Variants in ZNF385D observed in about 807,000 individuals in gnomAD.
ZNF385D encodes zinc finger protein 385D.
In ZNF385D, 15 loss-of-function variants were observed where a neutral mutation model predicts 35.8. That is an observed-to-expected ratio of 0.42 (90% CI 0.28 to 0.64). The LOEUF is 0.64. ZNF385D is among the 30% of genes least tolerant of loss of function. The pLI is 0.23. For synonymous variants in ZNF385D, 212 were observed against 186.8 expected (o/e 1.13, Z -1.10); for missense variants, 474 against 494.6 (o/e 0.96, Z 0.39).
At position 22,169,039 on chromosome 3, in the gene ZNF385D, A is replaced by G. The variant is rs375310777; in HGVS notation, c.107-4T>C. On this transcript the variant is annotated splice_region_variant and splice_polypyrimidine_tract_variant and intron_variant, in intron 2 of 5. Transcript: ENST00000494108. ...CCATCGTGTACACAGGTGAAATCTG[A>G]GGGTGCAAGGAAAATTATGAACAAG... 6 of 984,858 alleles carry G rather than the reference A, an allele frequency of 6.1e-6. No individual in the cohort carries two copies. The African/African-American group carries it at 1.0e-4, about 17-fold the overall frequency. The allele number at this position is 984,858 out of a possible 1,614,324, so 61.0% of individuals were successfully genotyped here.
chr3:21,424,339 G>T (rs1321167679), intron 6 of ZNF385D, among the ~76,000 whole-genome samples: 1 of 47,654 alleles, frequency 2.1e-5, no homozygotes, highest in Non-Finnish European at 4.6e-5. Flanking sequence ...TTTTGAGATG[G>T]AGTCTCACTC....
At chr3:21,871,458 T>C (rs1020473343) in intron 3 of ZNF385D, among the ~76,000 whole-genome samples, 6 of 152,178 alleles carry the variant, frequency 3.9e-5, no homozygotes, top group Admixed American at 3.3e-4. Context: ...GTAAACTTCT[T>C]GAAGGCAGTA....
chr3:22,183,290 AC>A (rs1393300582), intron 2 of ZNF385D, among the ~76,000 whole-genome samples: 1 of 152,180 alleles, frequency 6.6e-6, no homozygotes, highest in Admixed American at 6.6e-5. Context: ...CTTAAAGGTA[AC>A]AGTATGCATT....
intron 3 of ZNF385D, among the ~76,000 whole-genome samples, chr3:21,866,917 T>C (rs1300976411): frequency 2.6e-5 from 4 of 152,084 alleles, no homozygotes; most frequent in Non-Finnish European, 2.9e-5. Context: ...TAGAATGAAA[T>C]GAGGAGACTT....
Position 22,350,380 on chromosome 3 carries a change from T to G in ZNF385D, c.106+22070A>C, listed in dbSNP as rs188615140. Among the ~76,000 whole-genome samples the G allele has an allele frequency of 2.0e-3, 310 of 152,264 alleles. 6 individuals carry two copies. In the South Asian group the frequency reaches 0.033, roughly 16 times the overall value. ...AGGATGGGATTACCCATGTGTTTAA[T>G]TACTCACCTTTGAACCCAAATGTGG... On this transcript the variant is annotated intron_variant, in intron 2 of 5. Transcript: ENST00000494108.
At chr3:22,288,447 T>G (rs559172262) in intron 2 of ZNF385D, among the ~76,000 whole-genome samples, 1 of 144,078 alleles carries the variant, frequency 6.9e-6, no homozygotes, top group East Asian at 2.0e-4. Context: ...TATTTCTTTT[T>G]TGTTTAAGTG....
chr3:21,762,473 T>C (rs1193853288), intron 3 of ZNF385D, among the ~76,000 whole-genome samples: 1 of 152,196 alleles, frequency 6.6e-6, no homozygotes, highest in African/African-American at 2.4e-5. Flanking sequence ...GCCATACTCA[T>C]CATTAGTGAC....
intron 3 of ZNF385D, among the ~76,000 whole-genome samples, chr3:21,824,584 A>G (rs562681418): frequency 5.3e-4 from 81 of 152,154 alleles, no homozygotes; most frequent in African/African-American, 1.8e-3. Context: ...TCATATATCT[A>G]GTTTTATTTG....
At position 22,307,344 on chromosome 3, in the gene ZNF385D, T is replaced by A. The variant is rs935154516; in HGVS notation, c.106+65106A>T. Among the ~76,000 whole-genome samples, 4 of 152,108 alleles carry A rather than the reference T, an allele frequency of 2.6e-5. No homozygotes were observed. The East Asian group carries it at 7.7e-4, about 29-fold the overall frequency. On this transcript the variant is annotated intron_variant, in intron 2 of 5. Coordinates refer to the ZNF385D transcript ENST00000494108. ...ATGCCACAATGAAGACTCTAAATAG[T>A]GTAAGTAATAAGAGTTTTAATCACA...
At chr3:21,665,378 GCACCCATC>G (rs199955803) in intron 1 of ZNF385D, among the ~76,000 whole-genome samples, 1,577 of 152,252 alleles carry the variant, frequency 0.01, 13 homozygotes, top group Non-Finnish European at 0.013. Context: ...CCTCCATCAT[GCACCCATC>G]CCTCTTTGAA....
chr3:22,317,524 T>C (rs1438989151), intron 2 of ZNF385D, among the ~76,000 whole-genome samples: 1 of 152,076 alleles, frequency 6.6e-6, no homozygotes, highest in Non-Finnish European at 1.5e-5. Flanking sequence ...TTTGATGCTG[T>C]GCATCTCCAC....
chr3:22,253,841 A>C (rs2125332636), intron 2 of ZNF385D, among the ~76,000 whole-genome samples: 1 of 152,050 alleles, frequency 6.6e-6, no homozygotes, highest in South Asian at 2.1e-4. Context: ...TCCAGAAACA[A>C]ACAAAACATG....
At chr3:22,141,946 A>C (rs7618885) in intron 3 of ZNF385D, among the ~76,000 whole-genome samples, 23,475 of 152,194 alleles carry the variant, frequency 0.15, 2,116 homozygotes, top group African/African-American at 0.25. Flanking sequence ...ATTGGAAGAC[A>C]ATGACTGACA....
intron 2 of ZNF385D, among the ~76,000 whole-genome samples, chr3:22,261,186 A>C (rs1223028726): frequency 6.6e-5 from 10 of 151,912 alleles, no homozygotes; most frequent in Admixed American, 5.9e-4. Context: ...TTGTTCATCC[A>C]TACCCCACCA....
chr3:21,699,407 C>T (rs1310764723), intron 1 of ZNF385D, among the ~76,000 whole-genome samples: 2 of 152,016 alleles, frequency 1.3e-5, no homozygotes, highest in Non-Finnish European at 2.9e-5. Context: ...TTGATGGGTG[C>T]AGCAAACCAC....
intron 3 of ZNF385D, among the ~76,000 whole-genome samples, chr3:21,781,536 G>C (rs1345999076): frequency 6.6e-6 from 1 of 151,990 alleles, no homozygotes; most frequent in Non-Finnish European, 1.5e-5. Context: ...ATTCTTTATG[G>C]AAAGCTTTTT....
At chr3:22,025,149 A>G (rs1697459986) in intron 3 of ZNF385D, among the ~76,000 whole-genome samples, 1 of 152,092 alleles carries the variant, frequency 6.6e-6, no homozygotes, top group South Asian at 2.1e-4. Context: ...TTTTTGCCAG[A>G]AGGAACAGCT....
intron 2 of ZNF385D, among the ~76,000 whole-genome samples, chr3:22,258,758 A>T (rs1700449696): frequency 6.6e-6 from 1 of 151,824 alleles, no homozygotes; most frequent in South Asian, 2.1e-4. Flanking sequence ...AAATATAATT[A>T]TAGATTATTT....
In ZNF385D at chr3:22,094,019, G is replaced by A. The variant is rs141899683; in HGVS notation, c.325+74798C>T. Among the ~76,000 whole-genome samples, 419 of 152,022 alleles carry A rather than the reference G, an allele frequency of 2.8e-3. 2 individuals are homozygous for A. The highest frequency in any genetic ancestry group is 9.5e-3 in the African/African-American group (393 of 41,484). On this transcript the variant is annotated intron_variant, in intron 3 of 5. Transcript: ENST00000494108. ...ATTTCTAAAATAATACCAATTTAAC[G>A]CTTTACAAATTTTAATAAGTGGGTT... is the stretch of plus-strand genomic sequence containing the variant.
Sources: allele counts gnomAD v4.1 joint callset (sites outside exome capture counted in the v4.1 genomes callset), GRCh38; gene constraint gnomAD v4.1.1; transcripts MANE v1.5; gene names NCBI Gene and HGNC (gene_info 2026-07-23, HGNC 2026-07-21).